SORCS3: variants seen among roughly 807,000 people sequenced by gnomAD.
The protein encoded by SORCS3 is sortilin related VPS10 domain containing receptor 3.
SORCS3 carries 57 observed loss-of-function variants against 146.3 expected under a neutral mutation model. The ratio of observed to expected loss-of-function variants is 0.39; its 90% CI spans 0.31 to 0.49. The LOEUF (loss-of-function observed/expected upper bound fraction) is 0.49. Ranked by LOEUF, SORCS3 falls within the 20% of genes least tolerant of loss-of-function variation. SORCS3 has a pLI of 0.92. For synonymous variants in SORCS3, 653 were observed against 618.5 expected (o/e 1.06, Z -0.83); for missense variants, 1,341 against 1,575.5 (o/e 0.85, Z 2.52).
chr10:105,116,012 T>A (rs1324902002), intron 7 of SORCS3, among the ~76,000 whole-genome samples: 1 of 152,176 alleles, frequency 6.6e-6, no homozygotes, highest in African/African-American at 2.4e-5. Context: ...TTCAGAATCT[T>A]AAGTAAAAGT....
At chr10:104,738,806 C>T (rs192590565) in intron 1 of SORCS3, among the ~76,000 whole-genome samples, 2 of 152,270 alleles carry the variant, frequency 1.3e-5, no homozygotes, top group Admixed American at 1.3e-4. Context: ...GACGCAAGGG[C>T]TTCCCAGTAC....
intron 1 of SORCS3, among the ~76,000 whole-genome samples, chr10:104,765,047 G>A (rs189108931): frequency 2.6e-5 from 4 of 152,304 alleles, no homozygotes; most frequent in African/African-American, 7.2e-5. Flanking sequence ...ACTAACTTAG[G>A]TTTGAATCTC....
chr10:104,690,580 T>C (rs1342647089), intron 1 of SORCS3, among the ~76,000 whole-genome samples: 8 of 152,202 alleles, frequency 5.3e-5, no homozygotes, highest in Admixed American at 5.2e-4. Context: ...TAATCCAGAA[T>C]GTAGATTCAG....
At chr10:104,746,602 A>C (rs1436220863) in intron 1 of SORCS3, among the ~76,000 whole-genome samples, 1 of 152,218 alleles carries the variant, frequency 6.6e-6, no homozygotes, top group Non-Finnish European at 1.5e-5. Context: ...AAAATCACTA[A>C]GGCTTATTCC....
chr10:104,834,278 A>G (rs1385497535), intron 1 of SORCS3, among the ~76,000 whole-genome samples: 3 of 152,154 alleles, frequency 2.0e-5, no homozygotes, highest in Non-Finnish European at 2.9e-5. Flanking sequence ...TCTCACTCGG[A>G]GTAAGTACCA....
chr10:104,783,745 G>A lies in SORCS3; in HGVS notation c.628-59047G>A, dbSNP rs140752720. 2.0e-3 allele frequency among the ~76,000 whole-genome samples: 300 copies of A among 152,062 alleles called. 3 individuals carry two copies. The highest frequency in any genetic ancestry group is 6.1e-3 in the African/African-American group (253 of 41,506). Reference sequence around the variant, plus strand: ...CCGTCTCAAAAAAGAGAGAGAGAGAGAAAAAAAGGATCTAGGATGATGAAG... The same window carrying A: ...CCGTCTCAAAAAAGAGAGAGAGAGAAAAAAAAAGGATCTAGGATGATGAAG... On this transcript the variant is annotated intron_variant, in intron 1 of 26. Transcript: ENST00000369701.
chr10:104,974,185 G>T (rs2054879369), intron 3 of SORCS3, among the ~76,000 whole-genome samples: 1 of 152,168 alleles, frequency 6.6e-6, no homozygotes, highest in African/African-American at 2.4e-5. Context: ...ATTTGGGGTG[G>T]AGAGTTCTGT....
chr10:104,999,794 C>T (rs545553129), intron 4 of SORCS3, among the ~76,000 whole-genome samples: 6 of 152,230 alleles, frequency 3.9e-5, no homozygotes, highest in Admixed American at 3.9e-4. Flanking sequence ...GCCCATTAGT[C>T]CACAAGTGGG....
At chr10:105,021,203 A>C (rs1434608806) in intron 4 of SORCS3, among the ~76,000 whole-genome samples, 1 of 152,168 alleles carries the variant, frequency 6.6e-6, no homozygotes, top group Non-Finnish European at 1.5e-5. Context: ...TAGCTGCTGG[A>C]AAGTCCAAGA....
intron 1 of SORCS3, among the ~76,000 whole-genome samples, chr10:104,714,547 G>T (rs1223675925): frequency 6.6e-6 from 1 of 151,960 alleles, no homozygotes; most frequent in East Asian, 1.9e-4. Context: ...CCAAATATTT[G>T]GGAATTTTTA....
At position 105,252,197 on chromosome 10, in the gene SORCS3, T is replaced by G. The variant is rs2056903456; in HGVS notation, c.3106-578T>G. Among the ~76,000 whole-genome samples the G allele has an allele frequency of 2.0e-5, 3 of 152,222 alleles. No homozygotes were observed. In the South Asian group the frequency reaches 6.2e-4, roughly 32 times the overall value. On this transcript the variant is annotated intron_variant, in intron 22 of 26. Transcript: ENST00000369701. ...TACTGACTGAAGGGTATGAATATTT[T>G]TATGGCCTTTAAATTAAGTCTTTCA...
chr10:104,885,013 T>C (rs1298434328), intron 2 of SORCS3, among the ~76,000 whole-genome samples: 1 of 152,136 alleles, frequency 6.6e-6, no homozygotes, highest in East Asian at 1.9e-4. Flanking sequence ...AGAGTGTGAG[T>C]GAACTAAACT....
chr10:105,105,459 G>C lies in SORCS3; in HGVS notation c.1156G>C (p.Ala386Pro). 1 of 1,613,716 alleles carries C rather than the reference G, an allele frequency of 6.2e-7. No individual in the cohort carries two copies. The highest frequency in any genetic ancestry group is 2.2e-5 in the East Asian group (1 of 44,862). ...CGAGACAACTAGAAGTGGGCCTTTT[G>C]CCCGCTCCATTGACATCAGTTCCCT... ...CAETTRSGPF[A>P]RSIDISSLVV... Residue 386 changes from alanine (A) to proline (P), a missense_variant, in exon 7 of 27, where the codon GCC becomes CCC. Coordinates refer to ENST00000369701, the MANE Select transcript of SORCS3 (RefSeq NM_014978.3).
At position 105,262,477 on chromosome 10, in the gene SORCS3, A is replaced by G. The variant is rs748599774; in HGVS notation, c.3590A>G (p.Asp1197Gly). ...GAGGAGCTGCTGGACAAAGAGCTGGACACGCGGGTCATAGGTACATGCTCC... is the reference window on the plus strand; with the variant it reads ...GAGGAGCTGCTGGACAAAGAGCTGGGCACGCGGGTCATAGGTACATGCTCC... ...EPEELLDKEL[D>G]TRVIGGIATI... Residue 1197 changes from aspartate to glycine, a missense_variant, in exon 26 of 27, where the codon GAC (aspartate) becomes GGC (glycine). Transcript: ENST00000369701. 1 of 1,613,610 alleles carries G rather than the reference A, an allele frequency of 6.2e-7. No homozygotes were observed. Among genetic ancestry groups the G allele is most frequent in the Non-Finnish European group, 8.5e-7 (1 of 1,179,734 alleles).
chr10:105,188,023 A>G (rs527770387), intron 14 of SORCS3, among the ~76,000 whole-genome samples: 1 of 152,196 alleles, frequency 6.6e-6, no homozygotes. Context: ...TGGTGTGTGT[A>G]ACTGAGTAAA....
At chr10:105,076,002 G>A (rs1320847231) in intron 5 of SORCS3, among the ~76,000 whole-genome samples, 1 of 152,194 alleles carries the variant, frequency 6.6e-6, no homozygotes, top group African/African-American at 2.4e-5. Context: ...CAGGAAGTGT[G>A]GAAATGAGTG....
At chr10:105,005,512 T>G (rs2055089422) in intron 4 of SORCS3, among the ~76,000 whole-genome samples, 1 of 148,324 alleles carries the variant, frequency 6.7e-6, no homozygotes, top group Non-Finnish European at 1.5e-5. Flanking sequence ...GAGTAGTTGC[T>G]AGCCAGTGAA....
intron 16 of SORCS3, 84 bp from the exon 17 acceptor site, chr10:105,211,053 G>A (rs920255839): frequency 2.0e-5 from 17 of 842,490 alleles, no homozygotes; most frequent in African/African-American, 8.3e-5. Flanking sequence ...ATGGCAATAG[G>A]GACATGTATA....
In SORCS3 at chr10:105,139,545, G is replaced by A. The variant is rs867121239; in HGVS notation, c.1302+59G>A. 1.4e-5 allele frequency: 19 copies of A among 1,369,818 alleles called. No individual in the cohort carries two copies. The Middle Eastern group carries it at 7.4e-4, about 54-fold the overall frequency. The allele number at this position is 1,369,818 out of a possible 1,614,324, so 84.9% of individuals were successfully genotyped here. ...TCTAGGCAAAGGGAGGGTTGGAGAG[G>A]CTGCTTTGTTGGGCTACTGGGAGGT... On this transcript the variant is annotated intron_variant, in intron 8 of 26. Transcript: ENST00000369701.
Sources: gnomAD v4.1 joint callset for allele counts (sites outside exome capture counted in the v4.1 genomes callset) on GRCh38, gnomAD v4.1.1 for gene constraint, MANE v1.5 for transcripts, NCBI Gene and HGNC (gene_info 2026-07-23, HGNC 2026-07-21) for gene names.